Variants in SAMD5 observed in about 807,000 individuals in gnomAD.
SAMD5 encodes sterile alpha motif domain-containing protein 5.
A neutral mutation model predicts 11.3 loss-of-function variants in SAMD5; 13 were observed. That is an observed-to-expected ratio of 1.15 (90% CI 0.75 to 1.83). SAMD5 has a LOEUF of 1.83. SAMD5 is among the 40% of genes most tolerant of loss of function. SAMD5 has a pLI of 0.00. For missense variants in SAMD5, 255 were observed against 239.1 expected (o/e 1.07, Z -0.44); for synonymous variants, 129 against 111.3 (o/e 1.16, Z -1.00).
At chr6:147,909,632 C>CTCTCTCTCTCTCTCTTTCTT in the SAMD5 span, among the ~76,000 whole-genome samples, 1 of 61,158 alleles carries the variant, frequency 1.6e-5, no homozygotes, top group African/African-American at 1.2e-4. Context: ...TTCTTTCTTT[C>CTCTCTCTCTCTCTCTTTCTT]TCTTTCTTGT....
In SAMD5 at chr6:147,565,855, G is replaced by C. The variant is rs1033564895; in HGVS notation, c.*1399G>C. ...AGAAGCCATGGCAAAAGATGTTGAC[G>C]TACAACTGGCTCCTGAGGCTGTCAA... On this transcript the variant is annotated 3_prime_UTR_variant, in exon 2 of 2. Coordinates refer to ENST00000367474, the MANE Select transcript of SAMD5 (RefSeq NM_001030060.3). 6.1e-6 allele frequency: 6 copies of C among 985,176 alleles called. No individual in the cohort carries two copies. 61.0% of individuals were successfully genotyped at this position (985,176 alleles called of 1,614,324 possible).
chr6:147,741,633 T>C (rs1352599055), downstream of SAMD5: 1 of 152,190 alleles, frequency 6.6e-6, no homozygotes, highest in African/African-American at 2.4e-5. Context: ...AGGTATCCCA[T>C]GCGCCGTTTC....
chr6:147,808,989 G>A, the SAMD5 span, among the ~76,000 whole-genome samples: 4 of 152,206 alleles, frequency 2.6e-5, no homozygotes, highest in African/African-American at 7.2e-5. Context: ...AGACAGAAGC[G>A]AAGTTTATGA....
the SAMD5 span, among the ~76,000 whole-genome samples, chr6:147,771,338 G>A: frequency 6.6e-6 from 1 of 152,164 alleles, no homozygotes; most frequent in South Asian, 2.1e-4. Context: ...CTGCTAAAGC[G>A]TGAAATGGTT....
At chr6:147,623,063 T>A (rs1054199092) in intron 1 of SAMD5, among the ~76,000 whole-genome samples, 1 of 152,168 alleles carries the variant, frequency 6.6e-6, no homozygotes, top group African/African-American at 2.4e-5. Context: ...CAATTCAAGG[T>A]GAGATTTGGG....
intron 1 of SAMD5, among the ~76,000 whole-genome samples, chr6:147,683,191 T>C (rs1012568878): frequency 6.6e-6 from 1 of 152,212 alleles, no homozygotes; most frequent in Admixed American, 6.5e-5. Context: ...AAATAAAACT[T>C]ACAAACAGAA....
At chr6:147,887,207 A>C in the SAMD5 span, among the ~76,000 whole-genome samples, 2 of 152,226 alleles carry the variant, frequency 1.3e-5, no homozygotes, top group African/African-American at 4.8e-5. Flanking sequence ...TGAACTGTTC[A>C]AAGTGTGCAA....
At chr6:147,760,873 G>A in the SAMD5 span, among the ~76,000 whole-genome samples, 1 of 152,052 alleles carries the variant, frequency 6.6e-6, no homozygotes. Context: ...TTTAAAAATA[G>A]GTATAGATAC....
At chr6:147,801,340 G>C in the SAMD5 span, among the ~76,000 whole-genome samples, 1 of 151,736 alleles carries the variant, frequency 6.6e-6, no homozygotes, top group African/African-American at 2.4e-5. Context: ...CAGTCTGCTT[G>C]GTCCTGGCCA....
intron 1 of SAMD5, among the ~76,000 whole-genome samples, chr6:147,720,600 G>A (rs1791536954): frequency 6.6e-6 from 1 of 152,062 alleles, no homozygotes; most frequent in Non-Finnish European, 1.5e-5. Flanking sequence ...TGATTATATA[G>A]TGTTTTTGCA....
chr6:147,925,146 C>A, the SAMD5 span, among the ~76,000 whole-genome samples: 32 of 152,132 alleles, frequency 2.1e-4, no homozygotes, highest in African/African-American at 4.8e-5. Context: ...GGAGATGGGG[C>A]CTTTGGTATG....
intron 1 of SAMD5, among the ~76,000 whole-genome samples, chr6:147,690,540 T>C (rs1791085856): frequency 6.6e-6 from 1 of 152,032 alleles, no homozygotes; most frequent in Non-Finnish European, 1.5e-5. Flanking sequence ...TCCCAGCTAC[T>C]TGGGAGGCAG....
At chr6:147,863,874 T>C in the SAMD5 span, among the ~76,000 whole-genome samples, 1 of 147,974 alleles carries the variant, frequency 6.8e-6, no homozygotes, top group Admixed American at 6.9e-5. Context: ...GACAGAGTCT[T>C]GCTCTGTTGC....
the SAMD5 span, among the ~76,000 whole-genome samples, chr6:147,816,860 G>A: frequency 1.3e-5 from 2 of 151,934 alleles, no homozygotes; most frequent in Non-Finnish European, 2.9e-5. Context: ...AGACAGCCTC[G>A]TATGTGCTGA....
chr6:147,641,996 T>C (rs1790319485), intron 1 of SAMD5, among the ~76,000 whole-genome samples: 1 of 152,240 alleles, frequency 6.6e-6, no homozygotes, highest in Non-Finnish European at 1.5e-5. Context: ...ATTTTCCTAT[T>C]TTATTGTTCT....
the SAMD5 span, among the ~76,000 whole-genome samples, chr6:147,814,522 T>C: frequency 0.015 from 2,318 of 152,232 alleles, 67 homozygotes; most frequent in African/African-American, 0.053. Context: ...GGATCTGGCT[T>C]TATGGTATGC....
In SAMD5 at chr6:147,565,433, G is replaced by A. The variant is rs1026584207; in HGVS notation, c.*977G>A. 1.2e-5 allele frequency: 12 copies of A among 983,892 alleles called. No individual in the cohort carries two copies. The highest frequency in any genetic ancestry group is 5.2e-4 in the Middle Eastern group (1 of 1,934). 60.9% of individuals were successfully genotyped at this position (983,892 alleles called of 1,614,324 possible). ...ATCTAGAGTTTTTCTAATTCTTATC[G>A]TCTTATCGTTCTTGTGTTTGGATGC... On this transcript the variant is annotated 3_prime_UTR_variant, in exon 2 of 2. Coordinates refer to ENST00000367474, the MANE Select transcript of SAMD5 (RefSeq NM_001030060.3).
chr6:147,700,146 A>T (rs1174160407), intron 1 of SAMD5, among the ~76,000 whole-genome samples: 2 of 152,188 alleles, frequency 1.3e-5, no homozygotes, highest in African/African-American at 4.8e-5. Flanking sequence ...TATTTTCTTC[A>T]ACCTCTCTTT....
At chr6:147,759,166 A>T in the SAMD5 span, among the ~76,000 whole-genome samples, 1 of 152,178 alleles carries the variant, frequency 6.6e-6, no homozygotes, top group African/African-American at 2.4e-5. Context: ...TATTTTGTGG[A>T]TGAGCACAAA....
Sources: gnomAD v4.1 joint callset for allele counts (sites outside exome capture counted in the v4.1 genomes callset) on GRCh38, gnomAD v4.1.1 for gene constraint, MANE v1.5 for transcripts, NCBI Gene and HGNC (gene_info 2026-07-23, HGNC 2026-07-21) for gene names.